Variants in AGBL2 observed in about 807,000 individuals in gnomAD.
AGBL2 encodes cytosolic carboxypeptidase 2.
In AGBL2, 87 loss-of-function variants were observed where a neutral mutation model predicts 103.0. That is an observed-to-expected ratio of 0.84 (90% CI 0.71 to 1.01). The LOEUF (loss-of-function observed/expected upper bound fraction) is 1.01. Among genes scored for constraint, AGBL2 ranks in the 50% least tolerant of loss-of-function variants. The probability of loss-of-function intolerance (pLI) is 0.00; values close to 1 mark genes in which losing one functional copy is unlikely to be tolerated. For synonymous variants in AGBL2, 335 were observed against 356.7 expected (o/e 0.94, Z 0.69); for missense variants, 904 against 1,023.5 (o/e 0.88, Z 1.59).
intron 8 of AGBL2, among the ~76,000 whole-genome samples, chr11:47,692,702 A>G (rs771682764): frequency 4.6e-5 from 7 of 151,532 alleles, no homozygotes; most frequent in Non-Finnish European, 8.8e-5. Context: ...GTGAGCCACC[A>G]CGCCTGGCCA....
rs2097449458 is a variant in AGBL2 at position 47,692,006 on chromosome 11, T to A, written c.848+97A>T. On this transcript the variant is annotated intron_variant, in intron 9 of 18. Transcript: ENST00000525123. ...ATACCCATAACTATTCCCCATCACCTCTTTCTTTTTTGCAAGTACTTCTGA... is the reference window on the plus strand; with the variant it reads ...ATACCCATAACTATTCCCCATCACCACTTTCTTTTTTGCAAGTACTTCTGA... 4 of 1,151,726 alleles carry A rather than the reference T, an allele frequency of 3.5e-6. No homozygotes were observed. The South Asian group carries it at 8.9e-5, about 26-fold the overall frequency. The allele number at this position is 1,151,726 out of a possible 1,614,324, so 71.3% of individuals were successfully genotyped here.
At chr11:47,660,980 A>G (rs1424051744) in intron 18 of AGBL2, among the ~76,000 whole-genome samples, 1 of 152,160 alleles carries the variant, frequency 6.6e-6, no homozygotes, top group Non-Finnish European at 1.5e-5. Context: ...ATTTTTTTCA[A>G]TTATGTTTAT....
chr11:47,688,145 C>G (rs2097431583), intron 10 of AGBL2, among the ~76,000 whole-genome samples: 1 of 151,926 alleles, frequency 6.6e-6, no homozygotes, highest in Non-Finnish European at 1.5e-5. Flanking sequence ...CAACCTAATA[C>G]ACGGGGTCTC....
intron 8 of AGBL2, among the ~76,000 whole-genome samples, chr11:47,692,642 G>A (rs1011317684): frequency 6.6e-6 from 1 of 151,688 alleles, no homozygotes; most frequent in Admixed American, 6.6e-5. Flanking sequence ...TCGATCTCCT[G>A]ACCTTGTGAT....
At chr11:47,681,747 T>C (rs1048633638) in intron 12 of AGBL2, among the ~76,000 whole-genome samples, 1 of 152,192 alleles carries the variant, frequency 6.6e-6, no homozygotes, top group Non-Finnish European at 1.5e-5. Flanking sequence ...CGTGAGCCAC[T>C]GCGCCTGGCC....
chr11:47,700,386 C>T (rs1398230653), intron 7 of AGBL2, among the ~76,000 whole-genome samples: 2 of 151,910 alleles, frequency 1.3e-5, no homozygotes, highest in Non-Finnish European at 2.9e-5. Context: ...CGAGACCAGC[C>T]TGGCCAACAT....
Position 47,710,360 on chromosome 11 carries a change from T to A in AGBL2, c.232+17A>T, listed in dbSNP as rs758602805. ...GCAATGAGGTTCTAGAGGTCACACA[T>A]ACTGATTGTTACTCACATAGAAGCT... On this transcript the variant is annotated intron_variant, in intron 4 of 18. Transcript: ENST00000525123. 3.1e-6 allele frequency: 5 copies of A among 1,613,784 alleles called. No individual in the cohort carries two copies. The highest frequency in any genetic ancestry group is 3.4e-6 in the Non-Finnish European group (4 of 1,179,834).
At chr11:47,679,058 CAAAAAAAAAAAAAA>C (rs56307962) in intron 13 of AGBL2, among the ~76,000 whole-genome samples, 6 of 28,194 alleles carry the variant, frequency 2.1e-4, no homozygotes, top group South Asian at 5.4e-3. Context: ...GACCCTGTCT[CAAAAAAAAAAAAAA>C]AAAAAAAAAA....
intron 10 of AGBL2, among the ~76,000 whole-genome samples, chr11:47,687,315 A>C (rs148947217): frequency 5.3e-4 from 80 of 152,044 alleles, no homozygotes; most frequent in African/African-American, 1.9e-3. Context: ...CAGATAAAAT[A>C]TTTGACTTAA....
At chr11:47,678,902 TAC>T (rs979608499) in intron 13 of AGBL2, among the ~76,000 whole-genome samples, 12 of 147,902 alleles carry the variant, frequency 8.1e-5, no homozygotes, top group Non-Finnish European at 1.3e-4. Context: ...TACTAAAAAA[TAC>T]AAAAATTAGC....
chr11:47,704,125 G>A (rs1038842265), intron 7 of AGBL2, among the ~76,000 whole-genome samples: 2 of 151,412 alleles, frequency 1.3e-5, no homozygotes, highest in African/African-American at 4.8e-5. Flanking sequence ...ATAAATAAAT[G>A]TTGACTCTGT....
chr11:47,708,031 C>T (rs1428894495), intron 4 of AGBL2, among the ~76,000 whole-genome samples: 2 of 151,932 alleles, frequency 1.3e-5, no homozygotes, highest in South Asian at 2.1e-4. Flanking sequence ...TCCCAAGTGG[C>T]TGAGACTACA....
chr11:47,696,961 G>A (rs570871870), intron 8 of AGBL2, among the ~76,000 whole-genome samples: 14 of 151,428 alleles, frequency 9.2e-5, no homozygotes, highest in African/African-American at 3.2e-4. Flanking sequence ...ATAGAGTCTC[G>A]CTCTGTCACC....
chr11:47,668,890 C>T lies in AGBL2; in HGVS notation c.2165G>A (p.Ser722Asn). 1.9e-6 allele frequency: 3 copies of T among 1,613,024 alleles called. No homozygotes were observed. The highest frequency in any genetic ancestry group is 2.5e-6 in the Non-Finnish European group (3 of 1,179,454). The change falls in exon 15 of 19, where the codon AGT (serine) becomes AAT (asparagine). Residue 722 changes from serine to asparagine, a missense_variant. By Grantham distance (46) the Ser-to-Asn change is conservative. Coordinates refer to ENST00000525123, the MANE Select transcript of AGBL2 (RefSeq NM_024783.4). ...AACAGGAAGACCATCTGAGAGAGAACTGTCAGAGCCACTGGTGCTGTTTCC... is the reference window on the plus strand; with the variant it reads ...AACAGGAAGACCATCTGAGAGAGAATTGTCAGAGCCACTGGTGCTGTTTCC... ...DIESSTSGSD[S>N]SLSDGLPVHL...
At position 47,660,405 on chromosome 11, in the gene AGBL2, T is replaced by C. The variant is rs556473808; in HGVS notation, c.2536-59A>G. On this transcript the variant is annotated intron_variant, in intron 18 of 18. Coordinates refer to ENST00000525123, the MANE Select transcript of AGBL2 (RefSeq NM_024783.4). ...GTTTATTTTGCCATTTCCAAATATG[T>C]AGTTAGGGTTGGGGTTGGCTTTACA... 2.8e-5 allele frequency: 42 copies of C among 1,524,820 alleles called. No individual in the cohort carries two copies. The African/African-American group carries it at 5.4e-4, about 20-fold the overall frequency. 94.5% of individuals were successfully genotyped at this position (1,524,820 alleles called of 1,614,324 possible).
intron 3 of AGBL2, 162 bp from the exon 4 acceptor site, chr11:47,710,673 G>A (rs1197958181): frequency 2.5e-6 from 2 of 812,740 alleles, no homozygotes; most frequent in Non-Finnish European, 4.1e-6. Flanking sequence ...TCCAACTTAT[G>A]TGAGTGAAGC....
At position 47,714,452 on chromosome 11, in the gene AGBL2, G is replaced by A. The variant is rs79889459; in HGVS notation, c.34-105C>T. The A allele has an allele frequency of 2.9e-4, 388 of 1,327,706 alleles. 3 individuals carry two copies. In the East Asian group the frequency reaches 8.4e-3, roughly 29 times the overall value. The allele number at this position is 1,327,706 out of a possible 1,614,324, so 82.2% of individuals were successfully genotyped here. A position where few individuals can be genotyped will look rare whatever the true frequency, so the allele number is the denominator to read the frequency against. ...TGCATAGGACTAGACTAAACCAAGCGAGCTGCATTCCATGCGAATTATTCT... is the reference window on the plus strand; with the variant it reads ...TGCATAGGACTAGACTAAACCAAGCAAGCTGCATTCCATGCGAATTATTCT... On this transcript the variant is annotated intron_variant, in intron 2 of 18. Coordinates refer to ENST00000525123, the MANE Select transcript of AGBL2 (RefSeq NM_024783.4).
At chr11:47,705,140 TTTC>T (rs2097513059) in intron 6 of AGBL2, 1 of 153,604 alleles carries the variant, frequency 6.5e-6, no homozygotes, top group Non-Finnish European at 1.4e-5. Context: ...TTATTCTTTT[TTTC>T]TTCTTTTTTA....
intron 7 of AGBL2, among the ~76,000 whole-genome samples, chr11:47,701,771 G>C (rs562448222): frequency 6.6e-6 from 1 of 151,750 alleles, no homozygotes; most frequent in African/African-American, 2.4e-5. Context: ...TCATGAGTTC[G>C]AGACCAGCCT....
Sources: allele counts gnomAD v4.1 joint callset (sites outside exome capture counted in the v4.1 genomes callset), GRCh38; gene constraint gnomAD v4.1.1; transcripts MANE v1.5; gene names NCBI Gene and HGNC (gene_info 2026-07-23, HGNC 2026-07-21).